The following SDK1 variants were observed in gnomAD, a reference collection of about 807,000 sequenced individuals.
The protein encoded by SDK1 is protein sidekick-1.
Under a neutral mutation model 245.5 loss-of-function variants are expected in SDK1, and 157 were observed. The observed-to-expected ratio is 0.64, with a 90% CI of 0.56 to 0.73. The LOEUF (loss-of-function observed/expected upper bound fraction) is 0.73. Ranked by LOEUF, SDK1 falls within the 30% of genes least tolerant of loss-of-function variation. SDK1 has a pLI of 0.00. For synonymous variants in SDK1, 1,647 were observed against 1,278.5 expected (o/e 1.29, Z -6.15); for missense variants, 3,583 against 3,002.3 (o/e 1.19, Z -4.52).
chr7:3,626,341 A>T (rs542619609), intron 2 of SDK1, among the ~76,000 whole-genome samples: 42 of 152,378 alleles, frequency 2.8e-4, no homozygotes, highest in Non-Finnish European at 5.7e-4. Context: ...TTCATGAAAG[A>T]GTCCCTTCTA....
At chr7:3,383,569 C>T (rs1781541943) in intron 1 of SDK1, among the ~76,000 whole-genome samples, 1 of 152,154 alleles carries the variant, frequency 6.6e-6, no homozygotes, top group African/African-American at 2.4e-5. Flanking sequence ...GCTAATTGTG[C>T]TCTCTGTTTT....
intron 14 of SDK1, among the ~76,000 whole-genome samples, chr7:4,007,519 C>G (rs1161384325): frequency 6.6e-6 from 1 of 152,110 alleles, no homozygotes; most frequent in African/African-American, 2.4e-5. Context: ...CTGGGCCAAG[C>G]TTACAGCTAG....
At chr7:3,472,361 C>G (rs1184660975) in intron 1 of SDK1, among the ~76,000 whole-genome samples, 1 of 151,566 alleles carries the variant, frequency 6.6e-6, no homozygotes, top group Non-Finnish European at 1.5e-5. Context: ...GCCCAGTATG[C>G]TATTAGGTGC....
At chr7:3,659,702 C>G (rs1272462772) in intron 4 of SDK1, among the ~76,000 whole-genome samples, 4 of 152,180 alleles carry the variant, frequency 2.6e-5, no homozygotes, top group Non-Finnish European at 5.9e-5. Context: ...GAAAACCAGG[C>G]TGCTTTGTGA....
intron 38 of SDK1, among the ~76,000 whole-genome samples, chr7:4,217,453 G>A (rs1474821405): frequency 3.6e-5 from 4 of 111,670 alleles, no homozygotes; most frequent in Non-Finnish European, 5.5e-5. Flanking sequence ...CACACCACCC[G>A]GAGCACCACA....
chr7:4,137,721 G>A (rs1030962721), intron 28 of SDK1, among the ~76,000 whole-genome samples: 6 of 152,190 alleles, frequency 3.9e-5, no homozygotes, highest in Non-Finnish European at 7.3e-5. Context: ...TATTGATTCG[G>A]CCTGTTCATT....
At chr7:3,549,392 T>C (rs1445840673) in intron 1 of SDK1, among the ~76,000 whole-genome samples, 2 of 152,216 alleles carry the variant, frequency 1.3e-5, no homozygotes. Context: ...TGCCAAGTAT[T>C]TGATATACAT....
chr7:3,501,687 A>C (rs1426444354), intron 1 of SDK1, among the ~76,000 whole-genome samples: 3 of 152,184 alleles, frequency 2.0e-5, no homozygotes, highest in African/African-American at 7.2e-5. Flanking sequence ...TTTGTTCATT[A>C]ATTTGTTCTA....
chr7:4,265,226 GGCCGCGCACCTGC>G lies in SDK1; in HGVS notation c.6490_6502del (p.Ala2164ThrfsTer75), dbSNP rs1160756902. On this transcript the variant is annotated frameshift_variant, in exon 45 of 45. Transcript: ENST00000404826. LOFTEE classifies it low-confidence loss of function (END_TRUNC). ...CAACTCATGGAAGCGCAGGGCCCAG[GGCCGCGCACCTGC>G]GCCGCACAGGTACGAGGCGGTGGCG... is the stretch of plus-strand genomic sequence containing the variant. The G allele has an allele frequency of 6.2e-7, 1 of 1,609,134 alleles. No homozygotes were observed. Among genetic ancestry groups the G allele is most frequent in the Non-Finnish European group, 8.5e-7 (1 of 1,179,444 alleles).
In SDK1 at chr7:4,233,235, C is replaced by T. The variant is rs1310692476; in HGVS notation, c.5828-20C>T. 5 of 1,606,104 alleles carry T rather than the reference C, an allele frequency of 3.1e-6. No individual in the cohort carries two copies. The South Asian group carries it at 5.5e-5, about 18-fold the overall frequency. ...TTCGCACTTCTAACCTCTGCTCTCG[C>T]CTCCCCATCCCTCTTGCAGATGAAG... On this transcript the variant is annotated intron_variant, in intron 40 of 44. Transcript: ENST00000404826.
intron 5 of SDK1, among the ~76,000 whole-genome samples, chr7:3,907,330 T>C (rs1244202566): frequency 6.6e-6 from 1 of 152,246 alleles, no homozygotes; most frequent in East Asian, 1.9e-4. Context: ...TTCTGCCTAG[T>C]GTCTCTGTGA....
At chr7:3,343,392 G>A (rs549741804) in intron 1 of SDK1, among the ~76,000 whole-genome samples, 11 of 152,264 alleles carry the variant, frequency 7.2e-5, no homozygotes, top group African/African-American at 2.4e-4. Context: ...GTGATAAAAA[G>A]CCTATTCTAA....
chr7:4,079,519 A>G lies in SDK1; in HGVS notation c.3259A>G (p.Thr1087Ala). ...TTCCAACATCAGCCCTCGCTCCGCC[A>G]CCCTTCAGTTCCGGCCAGGCTATGA... Reference protein sequence around the residue: ...VISNISPRSATLQFRPGYDGK... With the variant: ...VISNISPRSAALQFRPGYDGK... Residue 1087 changes from threonine to alanine, a missense_variant, in exon 22 of 45, where the codon ACC becomes GCC. Physicochemically the swap from Thr to Ala is moderately conservative, Grantham distance 58. Coordinates refer to ENST00000404826, the MANE Select transcript of SDK1 (RefSeq NM_152744.4). The G allele has an allele frequency of 6.2e-7, 1 of 1,613,946 alleles. No homozygotes were observed. The highest frequency in any genetic ancestry group is 8.5e-7 in the Non-Finnish European group (1 of 1,180,006).
intron 1 of SDK1, among the ~76,000 whole-genome samples, chr7:3,327,045 G>A (rs1779956312): frequency 6.6e-6 from 1 of 152,192 alleles, no homozygotes; most frequent in African/African-American, 2.4e-5. Context: ...TCTTAAGTCA[G>A]ATGTAAAGAT....
intron 1 of SDK1, among the ~76,000 whole-genome samples, chr7:3,419,817 A>G (rs1318755842): frequency 1.3e-5 from 2 of 152,258 alleles, no homozygotes; most frequent in African/African-American, 4.8e-5. Context: ...GTTTCTCTAA[A>G]GAACAAAACT....
chr7:4,102,676 C>T (rs1219854654), intron 22 of SDK1, among the ~76,000 whole-genome samples: 1 of 152,182 alleles, frequency 6.6e-6, no homozygotes, highest in Non-Finnish European at 1.5e-5. Flanking sequence ...CCTGGTCCTG[C>T]CCTGCCCACC....
chr7:4,248,144 A>C (rs1213175610), intron 44 of SDK1, among the ~76,000 whole-genome samples: 2 of 152,150 alleles, frequency 1.3e-5, no homozygotes, highest in East Asian at 3.8e-4. Flanking sequence ...ATATACATTC[A>C]CGTATGCATG....
intron 4 of SDK1, among the ~76,000 whole-genome samples, chr7:3,695,753 A>C (rs1294581770): frequency 6.6e-6 from 1 of 152,188 alleles, no homozygotes; most frequent in African/African-American, 2.4e-5. Context: ...CCGGTGACAT[A>C]AATCTTCAGA....
chr7:3,308,909 G>A (rs80334747), intron 1 of SDK1, among the ~76,000 whole-genome samples: 3 of 152,188 alleles, frequency 2.0e-5, no homozygotes, highest in Non-Finnish European at 2.9e-5. Flanking sequence ...AGATAACCAC[G>A]TAATGACTAT....
Sources: gnomAD v4.1 joint callset for allele counts (sites outside exome capture counted in the v4.1 genomes callset) on GRCh38, gnomAD v4.1.1 for gene constraint, MANE v1.5 for transcripts, NCBI Gene and HGNC (gene_info 2026-07-23, HGNC 2026-07-21) for gene names.